ACSL5: variants seen among roughly 807,000 people sequenced by gnomAD.
The protein encoded by ACSL5 is acyl-CoA synthetase long chain family member 5, also known as long-chain-fatty-acid--CoA ligase 5.
A neutral mutation model predicts 84.9 loss-of-function variants in ACSL5; 50 were observed. The observed-to-expected ratio is 0.59, with a 90% CI of 0.47 to 0.75. The LOEUF is 0.75. Ranked by LOEUF, ACSL5 falls within the 30% of genes least tolerant of loss-of-function variation. ACSL5 has a pLI of 0.00. For missense variants in ACSL5, 775 were observed against 830.4 expected (o/e 0.93, Z 0.82); for synonymous variants, 280 against 300.7 (o/e 0.93, Z 0.71).
At chr10:112,398,440 C>A (rs1232190952) in intron 2 of ACSL5, among the ~76,000 whole-genome samples, 1 of 151,016 alleles carries the variant, frequency 6.6e-6, no homozygotes, top group Non-Finnish European at 1.5e-5. Context: ...AGTCTCACTC[C>A]GTTGCCCAGG....
chr10:112,416,412 A>C (rs1182935213), intron 12 of ACSL5, among the ~76,000 whole-genome samples: 1 of 140,276 alleles, frequency 7.1e-6, no homozygotes, highest in African/African-American at 2.7e-5. Flanking sequence ...TGGAGCTTGC[A>C]GTGAGCCGAG....
intron 12 of ACSL5, among the ~76,000 whole-genome samples, 161 bp downstream of exon 12, chr10:112,413,468 G>A (rs1334040309): frequency 1.3e-5 from 2 of 152,184 alleles, no homozygotes; most frequent in Non-Finnish European, 2.9e-5. Context: ...GCTCACTTCT[G>A]TGATCTCAGC....
intron 3 of ACSL5, among the ~76,000 whole-genome samples, chr10:112,401,824 CTTTCTT>C (rs1251395472): frequency 9.0e-6 from 1 of 111,106 alleles, no homozygotes; most frequent in Middle Eastern, 4.2e-3. Flanking sequence ...TTCTTTCTTT[CTTTCTT>C]TCTTTCTTTC....
chr10:112,384,891 A>G (rs1043539038), intron 1 of ACSL5, among the ~76,000 whole-genome samples: 7 of 152,230 alleles, frequency 4.6e-5, no homozygotes, highest in African/African-American at 1.2e-4. Context: ...AATTGAGAAG[A>G]TAATGTACAC....
At chr10:112,376,293 G>A in intron 1 of ACSL5, 1 of 1,614,064 alleles carries the variant, frequency 6.2e-7, no homozygotes, top group South Asian at 1.1e-5. Context: ...GACACTCTGG[G>A]CCGGCCTTCT....
chr10:112,421,809 A>G, intron 15 of ACSL5, 138 bp from the exon 16 acceptor site: 2 of 1,281,610 alleles, frequency 1.6e-6, no homozygotes, highest in Non-Finnish European at 2.2e-6. Flanking sequence ...AGGCCTGCCT[A>G]TCTTGGCTAG....
intron 1 of ACSL5, chr10:112,376,393 A>G: frequency 6.2e-7 from 1 of 1,614,168 alleles, no homozygotes. Context: ...GGAAGAACTC[A>G]GAGCCGGGAA....
Position 112,425,337 on chromosome 10 carries a change from G to GA in ACSL5, c.1595dup (p.Asn532LysfsTer10). On this transcript the variant is annotated frameshift_variant and splice_region_variant. Transcript: ENST00000354655. LOFTEE classifies it high-confidence loss of function. ...CTGATACTTTTATCTGTCTCATGTAGAATGGAACTCTGAAGATCATCGACC... is the reference window on the plus strand; with the variant it reads ...CTGATACTTTTATCTGTCTCATGTAGAAATGGAACTCTGAAGATCATCGACC... 1 of 1,610,416 alleles carries GA rather than the reference G, an allele frequency of 6.2e-7. No homozygotes were observed. Among genetic ancestry groups the GA allele is most frequent in the Non-Finnish European group, 8.5e-7 (1 of 1,178,350 alleles).
Position 112,427,687 on chromosome 10 carries a change from G to T in ACSL5, c.*329G>T. ...ATACTATTAGTAACCACAAGTTCAA[G>T]GGTCAAAGGGACCCTCTGTGCCTTC... On this transcript the variant is annotated 3_prime_UTR_variant, in exon 21 of 21. Transcript: ENST00000354655. 1 of 174,644 alleles carries T rather than the reference G, an allele frequency of 5.7e-6. No homozygotes were observed. The highest frequency in any genetic ancestry group is 1.5e-4 in the East Asian group (1 of 6,712). 10.8% of individuals were successfully genotyped at this position (174,644 alleles called of 1,614,324 possible). A position where few individuals can be genotyped will look rare whatever the true frequency, so the allele number is the denominator to read the frequency against.
At chr10:112,401,990 GGGTCT>G (rs2133609679) in intron 3 of ACSL5, among the ~76,000 whole-genome samples, 1 of 144,876 alleles carries the variant, frequency 6.9e-6, no homozygotes, top group African/African-American at 2.6e-5. Flanking sequence ...TCTTTCTTCA[GGGTCT>G]GGCTCTGTTG....
intron 6 of ACSL5, chr10:112,409,169 T>C (rs1844119101): frequency 4.5e-6 from 1 of 221,154 alleles, no homozygotes; most frequent in African/African-American, 2.3e-5. Flanking sequence ...TTTTCTTCTA[T>C]TCCCTACTAT....
chr10:112,426,562 T>C (rs1844727497), intron 19 of ACSL5: 1 of 620,624 alleles, frequency 1.6e-6, no homozygotes. Flanking sequence ...TGGGAAAAGA[T>C]TGGGAAAGAA....
intron 1 of ACSL5, among the ~76,000 whole-genome samples, chr10:112,382,293 C>T (rs150507604): frequency 1.3e-5 from 2 of 152,350 alleles, no homozygotes; most frequent in African/African-American, 4.8e-5. Context: ...TGTTCTGTTC[C>T]TTGTGGGATT....
chr10:112,427,124 C>T, intron 20 of ACSL5, 94 bp from the exon 21 acceptor site: 1 of 1,314,274 alleles, frequency 7.6e-7, no homozygotes, highest in Non-Finnish European at 1.0e-6. Flanking sequence ...CCTTTCACTG[C>T]ATCAACCTCA....
At chr10:112,393,030 T>G (rs961104076) in intron 1 of ACSL5, among the ~76,000 whole-genome samples, 11 of 152,256 alleles carry the variant, frequency 7.2e-5, no homozygotes, top group African/African-American at 2.4e-4. Context: ...TCCCCTTTGG[T>G]ACTGCCACCT....
In ACSL5 at chr10:112,413,309, TACTA is replaced by T; in HGVS notation, c.1083+6_1083+9del. On this transcript the variant is annotated splice_donor_5th_base_variant and intron_variant, in intron 12 of 20. Coordinates refer to ENST00000354655, the MANE Select transcript of ACSL5 (RefSeq NM_203379.2). ...CTCCTTAACAGGATCTACGATAAGG[TACTA>T]ACTTTCAGCTGAAGGGACTGTCTGT... 6.2e-7 allele frequency: 1 copy of T among 1,613,952 alleles called. No homozygotes were observed. The highest frequency in any genetic ancestry group is 8.5e-7 in the Non-Finnish European group (1 of 1,179,924).
chr10:112,382,995 G>C (rs1008546328), intron 1 of ACSL5, among the ~76,000 whole-genome samples: 1 of 152,162 alleles, frequency 6.6e-6, no homozygotes, highest in Non-Finnish European at 1.5e-5. Flanking sequence ...CCCACTGGGT[G>C]CCATGGCTCA....
intron 12 of ACSL5, 147 bp from the exon 13 acceptor site, chr10:112,416,741 C>A (rs1256874730): frequency 1.2e-6 from 1 of 847,818 alleles, no homozygotes; most frequent in Non-Finnish European, 1.8e-6. Context: ...ATTCTCTGGG[C>A]TCATCATTAT....
intron 9 of ACSL5, among the ~76,000 whole-genome samples, chr10:112,410,905 A>G (rs560246111): frequency 6.6e-6 from 1 of 152,134 alleles, no homozygotes; most frequent in East Asian, 1.9e-4. Context: ...GCCCCCACCA[A>G]CCCACCACTC....
Sources: allele counts gnomAD v4.1 joint callset (sites outside exome capture counted in the v4.1 genomes callset), GRCh38; gene constraint gnomAD v4.1.1; transcripts MANE v1.5; gene names NCBI Gene and HGNC (gene_info 2026-07-23, HGNC 2026-07-21).